RANBP2: variants seen among roughly 807,000 people sequenced by gnomAD.
RANBP2 encodes the protein RAN binding protein 2.
A neutral mutation model predicts 303.6 loss-of-function variants in RANBP2; 57 were observed. The ratio of observed to expected loss-of-function variants is 0.19; its 90% CI spans 0.15 to 0.23. RANBP2 has a LOEUF of 0.23. Ranked by LOEUF, RANBP2 falls within the 10% of genes least tolerant of loss-of-function variation. The pLI is 1.00. For missense variants in RANBP2, 3,138 were observed against 3,780.8 expected, an observed-to-expected ratio of 0.83 and a Z score of 4.46; for synonymous variants, 1,167 against 1,301.5, an observed-to-expected ratio of 0.90 and a Z score of 2.23.
At chr2:109,437,664 T>G in the RANBP2 span, among the ~76,000 whole-genome samples, 1 of 151,544 alleles carries the variant, frequency 6.6e-6, no homozygotes, top group African/African-American at 2.4e-5. Context: ...TCTGAAGTGC[T>G]CTGAGGCAGG....
the RANBP2 span, among the ~76,000 whole-genome samples, chr2:108,831,840 C>G: frequency 6.6e-6 from 1 of 152,060 alleles, no homozygotes; most frequent in Non-Finnish European, 1.5e-5. Flanking sequence ...TCAAGCGATT[C>G]TCCTGCCTCA....
chr2:109,715,430 A>G, the RANBP2 span, among the ~76,000 whole-genome samples: 1 of 152,202 alleles, frequency 6.6e-6, no homozygotes, highest in Non-Finnish European at 1.5e-5. Context: ...AGTGGCTCAC[A>G]GAACTCAGGG....
At chr2:109,132,827 C>A in the RANBP2 span, among the ~76,000 whole-genome samples, 1 of 152,226 alleles carries the variant, frequency 6.6e-6, no homozygotes, top group Non-Finnish European at 1.5e-5. Context: ...TAGCATCAAT[C>A]AAATTGTTTC....
chr2:108,910,699 G>A, the RANBP2 span: 1 of 1,517,096 alleles, frequency 6.6e-7, no homozygotes, highest in Non-Finnish European at 9.1e-7. Context: ...AAGCAGCGAG[G>A]AGGCTGCTTC....
intron 19 of RANBP2, among the ~76,000 whole-genome samples, chr2:108,762,952 A>G (rs566698734): frequency 6.6e-6 from 1 of 152,230 alleles, no homozygotes; most frequent in East Asian, 1.9e-4. Flanking sequence ...CTTTGTAGTA[A>G]TGTGGTTTTC....
chr2:109,299,468 G>A, the RANBP2 span, among the ~76,000 whole-genome samples: 1 of 152,034 alleles, frequency 6.6e-6, no homozygotes, highest in Non-Finnish European at 1.5e-5. Flanking sequence ...AGCCACCAGG[G>A]CCTTTTGAAG....
chr2:108,755,786 C>T (rs58459820), intron 17 of RANBP2, among the ~76,000 whole-genome samples: 4 of 151,634 alleles, frequency 2.6e-5, no homozygotes, highest in Admixed American at 6.6e-5. Flanking sequence ...TGCAGTGGTG[C>T]GATCTTGGCT....
chr2:109,508,880 G>A, the RANBP2 span, among the ~76,000 whole-genome samples: 10 of 152,332 alleles, frequency 6.6e-5, no homozygotes, highest in East Asian at 1.4e-3. Flanking sequence ...TCATGGACTC[G>A]GCAGTCTGTG....
chr2:109,078,211 G>GTA, the RANBP2 span, among the ~76,000 whole-genome samples: 13 of 36,478 alleles, frequency 3.6e-4, 2 homozygotes, highest in Non-Finnish European at 7.1e-4. Context: ...TATATATAGC[G>GTA]TATATATATA....
chr2:108,907,719 C>A, the RANBP2 span: 1 of 938,910 alleles, frequency 1.1e-6, no homozygotes. Context: ...GTGAACTTGT[C>A]ACTGTCCAGG....
At chr2:108,923,546 G>T in the RANBP2 span, 2 of 1,184,216 alleles carry the variant, frequency 1.7e-6, no homozygotes, top group Non-Finnish European at 1.3e-6. Context: ...CAGTCTGCAG[G>T]CCCACAATCA....
chr2:108,774,907 G>A (rs949313158), intron 23 of RANBP2, among the ~76,000 whole-genome samples: 1 of 151,896 alleles, frequency 6.6e-6, no homozygotes, highest in African/African-American at 2.4e-5. Context: ...GGTAAGGCTG[G>A]TCTTGAACTC....
the RANBP2 span, among the ~76,000 whole-genome samples, chr2:108,968,189 G>C: frequency 6.6e-6 from 1 of 152,054 alleles, no homozygotes; most frequent in South Asian, 2.1e-4. Flanking sequence ...TCTCAAAGTG[G>C]GGTCCACATA....
At chr2:109,534,960 G>T in the RANBP2 span, among the ~76,000 whole-genome samples, 1 of 152,242 alleles carries the variant, frequency 6.6e-6, no homozygotes, top group South Asian at 2.1e-4. Flanking sequence ...CAGGACATCT[G>T]CAGGACTCTG....
At chr2:109,357,965 A>G in the RANBP2 span, among the ~76,000 whole-genome samples, 1 of 152,188 alleles carries the variant, frequency 6.6e-6, no homozygotes, top group Non-Finnish European at 1.5e-5. Context: ...TGCAGAGTCT[A>G]CTGATGGAGA....
At chr2:109,500,523 G>T in the RANBP2 span, among the ~76,000 whole-genome samples, 2 of 152,224 alleles carry the variant, frequency 1.3e-5, no homozygotes, top group African/African-American at 4.8e-5. Flanking sequence ...CTCAGAGGCT[G>T]CAGGGGGCCC....
At chr2:109,493,832 A>G in the RANBP2 span, among the ~76,000 whole-genome samples, 2 of 152,148 alleles carry the variant, frequency 1.3e-5, no homozygotes, top group African/African-American at 4.8e-5. Flanking sequence ...CAAATTGTAC[A>G]TCAAGCAACC....
chr2:109,716,528 G>A, the RANBP2 span, among the ~76,000 whole-genome samples: 1 of 151,730 alleles, frequency 6.6e-6, no homozygotes, highest in East Asian at 1.9e-4. Flanking sequence ...GGGATTACAG[G>A]CGTGAGCCAC....
the RANBP2 span, among the ~76,000 whole-genome samples, chr2:109,639,181 G>A: frequency 6.6e-6 from 1 of 151,478 alleles, no homozygotes; most frequent in African/African-American, 2.4e-5. Context: ...ATAGTAATCA[G>A]TGATGGATTT....
Sources: allele counts gnomAD v4.1 joint callset (sites outside exome capture counted in the v4.1 genomes callset), GRCh38; gene constraint gnomAD v4.1.1; transcripts MANE v1.5; gene names NCBI Gene and HGNC (gene_info 2026-07-23, HGNC 2026-07-21).